TAOK3: variants seen among roughly 807,000 people sequenced by gnomAD.
TAOK3 encodes the protein serine/threonine-protein kinase TAO3.
TAOK3 carries 40 observed loss-of-function variants against 120.4 expected under a neutral mutation model. The observed-to-expected ratio is 0.33, with a 90% CI of 0.26 to 0.43. The LOEUF is 0.43. Ranked by LOEUF, TAOK3 falls within the 20% of genes least tolerant of loss-of-function variation. The pLI, the probability that TAOK3 is intolerant of heterozygous loss-of-function variation, is 1.00. For synonymous variants in TAOK3, 355 were observed against 387.5 expected, an observed-to-expected ratio of 0.92 and a Z score of 0.99; for missense variants, 821 against 1,112.1, an observed-to-expected ratio of 0.74 and a Z score of 3.72.
chr12:118,256,140 A>G (rs865855214), intron 2 of TAOK3: 2 of 152,220 alleles, frequency 1.3e-5, no homozygotes, highest in Non-Finnish European at 2.9e-5. Context: ...CCAAAAAGAT[A>G]TACAAATGAC....
chr12:118,167,637 G>A (rs2035686403), intron 17 of TAOK3, among the ~76,000 whole-genome samples: 1 of 150,874 alleles, frequency 6.6e-6, no homozygotes, highest in South Asian at 2.1e-4. Flanking sequence ...GTAAGGCTCA[G>A]CTTCCATTTT....
In TAOK3 at chr12:118,189,999, G is replaced by C. The variant is rs1381876706; in HGVS notation, c.1195-58C>G. ...CAGCTGTGCTCTTTCCTCGCCGGCT[G>C]CCTCTCTCTCACCCCTCTTTCTGCA... On this transcript the variant is annotated intron_variant, in intron 13 of 20. Transcript: ENST00000392533. The C allele has an allele frequency of 3.7e-6, 6 of 1,600,834 alleles. No homozygotes were observed. In the East Asian group the frequency reaches 1.1e-4, roughly 30 times the overall value.
chr12:118,369,004 G>GAAAA (rs975694288), intron 1 of TAOK3, among the ~76,000 whole-genome samples: 1,226 of 69,334 alleles, frequency 0.018, 23 homozygotes, highest in African/African-American at 0.064. Context: ...ACTAAAAATA[G>GAAAA]AAAAAAAAAA....
At chr12:118,340,246 T>G (rs1251304158) in intron 1 of TAOK3, among the ~76,000 whole-genome samples, 1 of 152,224 alleles carries the variant, frequency 6.6e-6, no homozygotes, top group Non-Finnish European at 1.5e-5. Flanking sequence ...AACAATAACT[T>G]GCCTGTGGAC....
In TAOK3 at chr12:118,294,246, A is replaced by G. The variant is rs2042590996; in HGVS notation, c.-193-27487T>C. ...AAACCATCAACACAATCAAAGGAAG[A>G]TTTTCATCCCCCGCAAACTTCCCTT... On this transcript the variant is annotated intron_variant, in intron 1 of 20. Coordinates refer to ENST00000392533, the MANE Select transcript of TAOK3 (RefSeq NM_016281.4). Among the ~76,000 whole-genome samples, 3 of 152,030 alleles carry G rather than the reference A, an allele frequency of 2.0e-5. No individual in the cohort carries two copies. In the East Asian group the frequency reaches 5.8e-4, roughly 29 times the overall value.
At chr12:118,354,679 T>C (rs978636658) in intron 1 of TAOK3, among the ~76,000 whole-genome samples, 1 of 152,116 alleles carries the variant, frequency 6.6e-6, no homozygotes, top group Non-Finnish European at 1.5e-5. Flanking sequence ...TCCCGTGCTG[T>C]TCTTGTGATA....
intron 1 of TAOK3, among the ~76,000 whole-genome samples, chr12:118,318,441 C>A (rs113248888): frequency 1.4e-3 from 214 of 152,250 alleles, no homozygotes; most frequent in African/African-American, 5.1e-3. Flanking sequence ...CAGGTGTGAG[C>A]CGCTGCGCCT....
At chr12:118,154,082 A>T (rs2034637944) in intron 19 of TAOK3, among the ~76,000 whole-genome samples, 1 of 152,172 alleles carries the variant, frequency 6.6e-6, no homozygotes, top group African/African-American at 2.4e-5. Context: ...ATGCCAAAGG[A>T]TTTACTGGCT....
At chr12:118,301,714 T>G in intron 1 of TAOK3, among the ~76,000 whole-genome samples, 1 of 151,848 alleles carries the variant, frequency 6.6e-6, no homozygotes, top group East Asian at 1.9e-4. Flanking sequence ...TGGTAGCGCT[T>G]GCATGTAGTC....
At chr12:118,283,884 A>C (rs2042177602) in intron 1 of TAOK3, among the ~76,000 whole-genome samples, 1 of 152,196 alleles carries the variant, frequency 6.6e-6, no homozygotes, top group African/African-American at 2.4e-5. Context: ...ATTCATTGGA[A>C]ACAAAGCTGG....
At chr12:118,314,056 A>C (rs1375166129) in intron 1 of TAOK3, among the ~76,000 whole-genome samples, 1 of 152,202 alleles carries the variant, frequency 6.6e-6, no homozygotes, top group Non-Finnish European at 1.5e-5. Context: ...CAAACCTTTT[A>C]ACAGTGACAT....
At chr12:118,313,979 G>A (rs1234558377) in intron 1 of TAOK3, among the ~76,000 whole-genome samples, 1 of 152,132 alleles carries the variant, frequency 6.6e-6, no homozygotes, top group Non-Finnish European at 1.5e-5. Flanking sequence ...GTAATATAAT[G>A]CAAGAGCCCA....
At chr12:118,228,675 C>T (rs952281014) in intron 9 of TAOK3, among the ~76,000 whole-genome samples, 2 of 152,148 alleles carry the variant, frequency 1.3e-5, no homozygotes, top group African/African-American at 4.8e-5. Context: ...TAGGCTAGTT[C>T]TACCTTTTCT....
At chr12:118,193,044 T>TTGC (rs2037512942) in intron 13 of TAOK3, among the ~76,000 whole-genome samples, 1 of 124,338 alleles carries the variant, frequency 8.0e-6, no homozygotes, top group Non-Finnish European at 1.7e-5. Context: ...ACTTACCACG[T>TTGC]TGTTGTTTTT....
chr12:118,259,632 C>T (rs1364369315), intron 2 of TAOK3, among the ~76,000 whole-genome samples: 1 of 152,140 alleles, frequency 6.6e-6, no homozygotes, highest in Non-Finnish European at 1.5e-5. Flanking sequence ...ACAATGATCC[C>T]TGACAGAAGA....
chr12:118,165,985 T>C (rs987713778), intron 17 of TAOK3, among the ~76,000 whole-genome samples: 12 of 152,338 alleles, frequency 7.9e-5, no homozygotes, highest in Admixed American at 7.8e-4. Context: ...GGAAAAATTA[T>C]TCACCTTATT....
intron 19 of TAOK3, among the ~76,000 whole-genome samples, chr12:118,153,034 T>C (rs1004211907): frequency 1.3e-5 from 2 of 152,228 alleles, no homozygotes; most frequent in Non-Finnish European, 2.9e-5. Flanking sequence ...AGTACTGTTA[T>C]GCTCCAAGTA....
chr12:118,196,167 G>C (rs1296436653), intron 13 of TAOK3, among the ~76,000 whole-genome samples: 1 of 152,160 alleles, frequency 6.6e-6, no homozygotes, highest in Non-Finnish European at 1.5e-5. Flanking sequence ...TGGAGAGTAA[G>C]TAACCTGGAA....
At chr12:118,217,448 A>G (rs2038961314) in intron 9 of TAOK3, among the ~76,000 whole-genome samples, 1 of 152,012 alleles carries the variant, frequency 6.6e-6, no homozygotes, top group South Asian at 2.1e-4. Flanking sequence ...GAACTTTGGG[A>G]GACTAAGCGG....
Sources: allele counts gnomAD v4.1 joint callset (sites outside exome capture counted in the v4.1 genomes callset), GRCh38; gene constraint gnomAD v4.1.1; transcripts MANE v1.5; gene names NCBI Gene and HGNC (gene_info 2026-07-23, HGNC 2026-07-21).